The following PPM1B variants were observed in gnomAD, a reference collection of about 807,000 sequenced individuals.
PPM1B encodes protein phosphatase, Mg2+/Mn2+ dependent 1B.
A neutral mutation model predicts 43.0 loss-of-function variants in PPM1B; 22 were observed. The ratio of observed to expected loss-of-function variants is 0.51; its 90% confidence interval spans 0.37 to 0.73. PPM1B has a LOEUF of 0.73. Ranked by LOEUF, PPM1B falls within the 30% of genes least tolerant of loss-of-function variation. The pLI, the probability that PPM1B is intolerant of heterozygous loss-of-function variation, is 0.00. For missense variants in PPM1B, 632 were observed against 584.2 expected (o/e 1.08, Z -0.84); for synonymous variants, 217 against 197.9 (o/e 1.10, Z -0.81).
rs1274810728 is a variant in PPM1B at position 44,199,315 on chromosome 2, A to T, written c.-14-1871A>T. Among the ~76,000 whole-genome samples, 8 of 97,998 alleles carry T rather than the reference A, an allele frequency of 8.2e-5. 1 individual carries two copies. The highest frequency in any genetic ancestry group is 6.2e-4 in the Admixed American group (7 of 11,266). 64.3% of individuals were successfully genotyped at this position (97,998 alleles called of 152,430 possible). On this transcript the variant is annotated intron_variant, in intron 1 of 5. Coordinates refer to ENST00000282412, the MANE Select transcript of PPM1B (RefSeq NM_002706.6). Reference sequence around the variant, plus strand: ...TGCCTGTAGATCTCAAAAAAAAAAAAAATAAAAATAAAAAAAAAAAAAATT... The same window carrying T: ...TGCCTGTAGATCTCAAAAAAAAAAATAATAAAAATAAAAAAAAAAAAAATT...
intron 5 of PPM1B, 90 bp from the exon 6 acceptor site, chr2:44,230,323 A>C: frequency 1.3e-6 from 2 of 1,534,818 alleles, no homozygotes; most frequent in Non-Finnish European, 1.7e-6. Flanking sequence ...TTTTCGGTAG[A>C]GAAATTAGTA....
downstream of PPM1B, chr2:44,233,938 T>C (rs1670539231): frequency 1.0e-6 from 1 of 985,442 alleles, no homozygotes; most frequent in South Asian, 4.7e-5. Flanking sequence ...TGGTTTATCG[T>C]TCAAACTGTC....
chr2:44,181,270 C>T (rs1267279722), intron 1 of PPM1B, among the ~76,000 whole-genome samples: 2 of 152,126 alleles, frequency 1.3e-5, no homozygotes, highest in Non-Finnish European at 2.9e-5. Flanking sequence ...ATTTCACAGG[C>T]ACCTTGAAGG....
chr2:44,180,422 G>C (rs1380555819), intron 1 of PPM1B, among the ~76,000 whole-genome samples: 1 of 152,156 alleles, frequency 6.6e-6, no homozygotes, highest in Non-Finnish European at 1.5e-5. Flanking sequence ...TTGGCTAGGT[G>C]ATTTAAATGA....
At chr2:44,219,691 C>T (rs1196718825) in intron 5 of PPM1B, among the ~76,000 whole-genome samples, 1 of 152,014 alleles carries the variant, frequency 6.6e-6, no homozygotes, top group Non-Finnish European at 1.5e-5. Flanking sequence ...TGCCTGTAAT[C>T]CCAGCAGTTT....
chr2:44,246,347 T>C (rs1297499984), downstream of PPM1B, among the ~76,000 whole-genome samples: 1 of 152,224 alleles, frequency 6.6e-6, no homozygotes, highest in Non-Finnish European at 1.5e-5. Flanking sequence ...CCTTTATTTG[T>C]TCCTATTAAG....
intron 5 of PPM1B, among the ~76,000 whole-genome samples, chr2:44,239,876 G>A (rs2104293409): frequency 7.5e-6 from 1 of 132,974 alleles, no homozygotes; most frequent in South Asian, 2.4e-4. Flanking sequence ...CTGCTCTATT[G>A]TTTTTTTGTT....
intron 3 of PPM1B, among the ~76,000 whole-genome samples, chr2:44,216,367 A>T (rs1229865543): frequency 6.6e-6 from 1 of 152,102 alleles, no homozygotes; most frequent in African/African-American, 2.4e-5. Flanking sequence ...CACAACAAAA[A>T]AATTGTCTGG....
chr2:44,203,090 G>T lies in PPM1B; in HGVS notation c.846+1045G>T, dbSNP rs115368815. Among the ~76,000 whole-genome samples the T allele has an allele frequency of 9.2e-3, 1,399 of 152,260 alleles. 10 individuals are homozygous for T. Among genetic ancestry groups the T allele is most frequent in the Non-Finnish European group, 0.015 (1,052 of 67,994 alleles). Reference sequence around the variant, plus strand: ...ATGGGCATAACCAGAAAGTTTTTCAGAAAGGATCTCTGGGTCTCTGGAAAT... The same window carrying T: ...ATGGGCATAACCAGAAAGTTTTTCATAAAGGATCTCTGGGTCTCTGGAAAT... On this transcript the variant is annotated intron_variant, in intron 2 of 5. Coordinates refer to ENST00000282412, the MANE Select transcript of PPM1B (RefSeq NM_002706.6).
downstream of PPM1B, among the ~76,000 whole-genome samples, chr2:44,236,110 T>C (rs771119721): frequency 2.9e-4 from 44 of 151,442 alleles, no homozygotes; most frequent in Admixed American, 4.6e-4. Flanking sequence ...AAAATTATAA[T>C]GAAGGCCAGG....
intron 1 of PPM1B, among the ~76,000 whole-genome samples, chr2:44,173,325 T>C (rs1667438933): frequency 6.6e-6 from 1 of 152,260 alleles, no homozygotes. Context: ...TTTTGAGATT[T>C]AGTTTTTAGT....
intron 1 of PPM1B, among the ~76,000 whole-genome samples, chr2:44,189,397 GTTCTCAAACTGTC>G (rs1668295805): frequency 6.6e-6 from 1 of 152,172 alleles, no homozygotes; most frequent in Admixed American, 6.5e-5. Context: ...CGTACTATGA[GTTCTCAAACTGTC>G]TAGGATTCCC....
intron 1 of PPM1B, among the ~76,000 whole-genome samples, chr2:44,189,655 G>T (rs1399149558): frequency 6.6e-6 from 1 of 151,920 alleles, no homozygotes; most frequent in Non-Finnish European, 1.5e-5. Context: ...AGTAGAGATG[G>T]GGTTTCGCCA....
intron 2 of PPM1B, among the ~76,000 whole-genome samples, chr2:44,207,888 CTTTTT>C (rs569077342): frequency 1.0e-5 from 1 of 97,400 alleles, no homozygotes. Flanking sequence ...TGGCTTTATG[CTTTTT>C]TTTTTTTTTT....
intron 1 of PPM1B, among the ~76,000 whole-genome samples, chr2:44,174,111 T>G (rs933638861): frequency 6.6e-6 from 1 of 152,246 alleles, no homozygotes; most frequent in Admixed American, 6.5e-5. Context: ...TATCACACAG[T>G]TTAATATTAA....
chr2:44,188,484 C>A (rs190397197), intron 1 of PPM1B, among the ~76,000 whole-genome samples: 1 of 150,726 alleles, frequency 6.6e-6, no homozygotes, highest in East Asian at 2.0e-4. Context: ...CAGCCTCAAC[C>A]TCCCAGGCTT....
intron 1 of PPM1B, among the ~76,000 whole-genome samples, chr2:44,199,333 A>AT (rs1668822117): frequency 6.8e-6 from 1 of 146,460 alleles, no homozygotes; most frequent in African/African-American, 2.5e-5. Flanking sequence ...ATAAAAAAAA[A>AT]AAAAATTGAG....
chr2:44,201,208 A>G lies in PPM1B; in HGVS notation c.9A>G (p.Ala3=), dbSNP rs779576594. 8.2e-6 allele frequency: 13 copies of G among 1,584,272 alleles called. No homozygotes were observed. The highest frequency in any genetic ancestry group is 2.3e-5 in the South Asian group (2 of 87,078). The change falls in exon 2 of 6, where the codon GCA becomes GCG. Residue 3 remains alanine, a synonymous_variant. Coordinates refer to ENST00000282412, the MANE Select transcript of PPM1B (RefSeq NM_002706.6). The surrounding 1 kb of genome is among the most constrained non-coding windows in gnomAD (Gnocchi z 5.4). MG[A]FLDKPKTEKH... ...CAGATTTATTGCTAAACATGGGTGC[A>G]TTTTTGGATAAACCCAAAACTGAAA...
At chr2:44,228,187 C>CTTTTTT in intron 5 of PPM1B, among the ~76,000 whole-genome samples, 1 of 115,166 alleles carries the variant, frequency 8.7e-6, no homozygotes. Context: ...CTAACAAGCC[C>CTTTTTT]TTTTTTTTTT....
Sources: gnomAD v4.1 joint callset for allele counts (sites outside exome capture counted in the v4.1 genomes callset) on GRCh38, gnomAD v4.1.1 for gene constraint, Gnocchi (gnomAD v3.1) non-coding constraint, MANE v1.5 for transcripts, NCBI Gene and HGNC (gene_info 2026-07-23, HGNC 2026-07-21) for gene names.